ZNRF3: variants seen among roughly 807,000 people sequenced by gnomAD.
ZNRF3 encodes zinc and ring finger 3, also known as E3 ubiquitin-protein ligase ZNRF3.
A neutral mutation model predicts 72.5 loss-of-function variants in ZNRF3; 23 were observed. That is an observed-to-expected ratio of 0.32 (90% CI 0.23 to 0.45). The LOEUF is 0.45. Among genes scored for constraint, ZNRF3 ranks in the 20% least tolerant of loss-of-function variants. ZNRF3 has a pLI of 1.00. For synonymous variants in ZNRF3, 610 were observed against 545.3 expected, an observed-to-expected ratio of 1.12 and a Z score of -1.65; for missense variants, 1,169 against 1,272.1, an observed-to-expected ratio of 0.92 and a Z score of 1.23.
intron 1 of ZNRF3, among the ~76,000 whole-genome samples, chr22:28,974,564 CCTA>C (rs1429252798): frequency 6.6e-6 from 1 of 152,218 alleles, no homozygotes; most frequent in Non-Finnish European, 1.5e-5. Flanking sequence ...GAAAAAATCT[CCTA>C]CTATTCTTAC....
At chr22:28,914,564 C>T (rs147445537) in intron 1 of ZNRF3, among the ~76,000 whole-genome samples, 2,962 of 148,182 alleles carry the variant, frequency 0.02, 74 homozygotes, top group African/African-American at 0.063. Context: ...CCTATAATTC[C>T]AGCACTTTGG....
chr22:28,905,448 A>G (rs2034187864), intron 1 of ZNRF3, among the ~76,000 whole-genome samples: 1 of 152,226 alleles, frequency 6.6e-6, no homozygotes, highest in African/African-American at 2.4e-5. Flanking sequence ...GCTGAAAATA[A>G]CAGAGAATCA....
chr22:28,959,698 G>T (rs1322201223), intron 1 of ZNRF3, among the ~76,000 whole-genome samples: 1 of 152,214 alleles, frequency 6.6e-6, no homozygotes, highest in African/African-American at 2.4e-5. Context: ...CACGGTGGTG[G>T]TATTTGGTGA....
intron 5 of ZNRF3, 44 bp downstream of exon 5, chr22:29,044,934 C>T (rs746140470): frequency 4.4e-5 from 62 of 1,396,076 alleles, no homozygotes; most frequent in South Asian, 9.2e-5. Flanking sequence ...CCCCTCTTGC[C>T]GTGACACTGG....
chr22:28,905,774 A>T (rs2034195378), intron 1 of ZNRF3, among the ~76,000 whole-genome samples: 3 of 152,198 alleles, frequency 2.0e-5, no homozygotes, highest in Middle Eastern at 3.2e-3. Context: ...TGGTTGATGA[A>T]ATGTGTGAAT....
intron 2 of ZNRF3, among the ~76,000 whole-genome samples, chr22:28,989,005 G>T (rs936667770): frequency 6.6e-6 from 1 of 152,144 alleles, no homozygotes; most frequent in African/African-American, 2.4e-5. Flanking sequence ...GGAGAGTTTT[G>T]TATGATTTGG....
At chr22:28,922,430 T>G (rs1178389268) in intron 1 of ZNRF3, among the ~76,000 whole-genome samples, 1 of 152,266 alleles carries the variant, frequency 6.6e-6, no homozygotes, top group Non-Finnish European at 1.5e-5. Flanking sequence ...ACTTTTTTAC[T>G]TTGTTGTTCT....
chr22:29,001,472 C>CTTTTTTTTTT (rs750297109), intron 2 of ZNRF3, among the ~76,000 whole-genome samples: 1 of 125,004 alleles, frequency 8.0e-6, no homozygotes, highest in Non-Finnish European at 1.7e-5. Flanking sequence ...ATTTTTTAAA[C>CTTTTTTTTTT]TTTTTTTTTT....
In ZNRF3 at chr22:28,928,490, CTTTTTTTT is replaced by C. The variant is rs10710766; in HGVS notation, c.300+44440_300+44447del. Among the ~76,000 whole-genome samples the C allele has an allele frequency of 2.4e-4, 19 of 80,606 alleles. No homozygotes were observed. In the East Asian group the frequency reaches 2.5e-3, roughly 10 times the overall value. The allele number at this position is 80,606 out of a possible 152,430, so 52.9% of individuals were successfully genotyped here. ...ATTTCTCTGATTGTTCCAGAAATGT[CTTTTTTTT>C]TTTTTTTTTTTTTTTGACGGAGTCT... is the stretch of plus-strand genomic sequence containing the variant. On this transcript the variant is annotated intron_variant, in intron 1 of 8. Transcript: ENST00000544604.
At chr22:28,988,372 C>T (rs911639326) in intron 2 of ZNRF3, among the ~76,000 whole-genome samples, 1 of 152,114 alleles carries the variant, frequency 6.6e-6, no homozygotes, top group African/African-American at 2.4e-5. Flanking sequence ...GAAGACTTTC[C>T]AGACTTAAAG....
Position 28,884,031 on chromosome 22 carries a change from G to C in ZNRF3, c.265G>C (p.Gly89Arg). ...TGLTGRFSRA[G>R]ATLSAEGEIV... The stretch of plus-strand genomic sequence containing the variant: ...CCTCACGGGCCGCTTCTCGCGGGCC[G>C]GGGCCACGCTCAGCGCCGAGGGCGA... Residue 89 changes from glycine to arginine, a missense_variant, in exon 1 of 9, where the codon GGG becomes CGG. Around this residue, in one of 2 missense-constraint regions of ZNRF3, gnomAD observed 386 missense variants for 540.7 expected, o/e 0.71. Coordinates refer to ENST00000544604, the MANE Select transcript of ZNRF3 (RefSeq NM_001206998.2). 3 of 1,300,474 alleles carry C rather than the reference G, an allele frequency of 2.3e-6. No individual in the cohort carries two copies. Among genetic ancestry groups the C allele is most frequent in the South Asian group, 1.4e-5 (1 of 73,034 alleles). The allele number at this position is 1,300,474 out of a possible 1,614,324, so 80.6% of individuals were successfully genotyped here.
At chr22:28,993,825 G>T (rs1001385281) in intron 2 of ZNRF3, among the ~76,000 whole-genome samples, 1 of 152,278 alleles carries the variant, frequency 6.6e-6, no homozygotes, top group East Asian at 1.9e-4. Context: ...TGGGACTACA[G>T]GTGTGTGCCA....
chr22:28,934,817 CAAAA>C (rs1244256699), intron 1 of ZNRF3, among the ~76,000 whole-genome samples: 26 of 57,170 alleles, frequency 4.5e-4, no homozygotes, highest in African/African-American at 1.2e-3. Flanking sequence ...GACTCTGTCT[CAAAA>C]AAAAAAAAAA....
chr22:29,023,775 C>A (rs570465463), intron 2 of ZNRF3, among the ~76,000 whole-genome samples: 78 of 152,294 alleles, frequency 5.1e-4, no homozygotes, highest in Admixed American at 1.3e-3. Flanking sequence ...TCAGTCTTTC[C>A]AAATGTCCCA....
At chr22:29,016,451 C>T (rs184265333) in intron 2 of ZNRF3, among the ~76,000 whole-genome samples, 94 of 152,258 alleles carry the variant, frequency 6.2e-4, no homozygotes, top group Non-Finnish European at 1.0e-3. Flanking sequence ...GTCTTGCTAA[C>T]GCTGAATAAT....
rs569526292 is a variant in ZNRF3 at position 29,006,301 on chromosome 22, C to T, written c.426+19100C>T. Among the ~76,000 whole-genome samples the T allele has an allele frequency of 5.1e-4, 77 of 151,274 alleles. 1 individual carries two copies. Among genetic ancestry groups the T allele is most frequent in the Admixed American group, 4.9e-3 (75 of 15,174 alleles). On this transcript the variant is annotated intron_variant, in intron 2 of 8. Transcript: ENST00000544604. Reference sequence around the variant, plus strand: ...CAATCTCGGCTCACCGCAACCTCCACCTCCCGGGTTAAAGCGATTCTCCTG... The same window carrying T: ...CAATCTCGGCTCACCGCAACCTCCATCTCCCGGGTTAAAGCGATTCTCCTG...
intron 1 of ZNRF3, among the ~76,000 whole-genome samples, chr22:28,975,094 A>C (rs1173430331): frequency 6.6e-6 from 1 of 152,062 alleles, no homozygotes; most frequent in East Asian, 1.9e-4. Context: ...CACAGTTTAG[A>C]GGAGGACTAC....
intron 1 of ZNRF3, among the ~76,000 whole-genome samples, chr22:28,914,814 C>CA (rs567975458): frequency 0.013 from 904 of 69,136 alleles, 3 homozygotes; most frequent in Middle Eastern, 0.06. Flanking sequence ...AACTCCGTCT[C>CA]AAAAAAAAAA....
In ZNRF3 at chr22:28,884,074, C is replaced by G; in HGVS notation, c.300+8C>G. On this transcript the variant is annotated splice_region_variant and intron_variant, in intron 1 of 8. Transcript: ENST00000544604. ...GAGGGCGAGATCGTGCAGGTAGCTG[C>G]CCGCCGCCCGGGCCCCGCGCCGCCT... The G allele has an allele frequency of 8.2e-7, 1 of 1,223,876 alleles. No homozygotes were observed. Among genetic ancestry groups the G allele is most frequent in the Non-Finnish European group, 1.0e-6 (1 of 965,464 alleles). The allele number at this position is 1,223,876 out of a possible 1,614,324, so 75.8% of individuals were successfully genotyped here.
Sources: allele counts gnomAD v4.1 joint callset (sites outside exome capture counted in the v4.1 genomes callset), GRCh38; gene constraint gnomAD v4.1.1; regional missense constraint gnomAD v4.1.1; transcripts MANE v1.5; gene names NCBI Gene and HGNC (gene_info 2026-07-23, HGNC 2026-07-21).